The following RNF150 variants were observed in gnomAD, a reference collection of about 807,000 sequenced individuals.
The protein encoded by RNF150 is ring finger protein 150.
In RNF150, 24 loss-of-function variants were observed where a neutral mutation model predicts 39.3. The observed-to-expected ratio is 0.61, with a 90% CI of 0.44 to 0.86. The LOEUF (loss-of-function observed/expected upper bound fraction) is 0.86. Among genes scored for constraint, RNF150 ranks in the 40% least tolerant of loss-of-function variants. The pLI is 0.00. For synonymous variants in RNF150, 255 were observed against 227.3 expected (o/e 1.12, Z -1.10); for missense variants, 502 against 587.8 (o/e 0.85, Z 1.51).
At chr4:140,908,328 CAG>C (rs1463147875) in intron 6 of RNF150, among the ~76,000 whole-genome samples, 1 of 152,076 alleles carries the variant, frequency 6.6e-6, no homozygotes, top group Non-Finnish European at 1.5e-5. Flanking sequence ...AACAAATAAC[CAG>C]AGTGTTCATG....
rs1315608960 is a variant in RNF150 at position 140,861,846 on chromosome 4, A to C, written c.*6415T>G. 2.0e-5 allele frequency: 3 copies of C among 152,230 alleles called. No homozygotes were observed. Among genetic ancestry groups the C allele is most frequent in the Non-Finnish European group, 2.9e-5 (2 of 68,038 alleles). The allele number at this position is 152,230 out of a possible 1,614,324, so 9.4% of individuals were successfully genotyped here. On this transcript the variant is annotated 3_prime_UTR_variant, in exon 7 of 7. Coordinates refer to ENST00000515673, the MANE Select transcript of RNF150 (RefSeq NM_020724.2). ...GTTTTGAAGGAAAAGGGGACTAAAC[A>C]CTAGACTTTAAAGATGGTGTGGTAC...
intron 1 of RNF150, among the ~76,000 whole-genome samples, chr4:141,088,001 A>C (rs34189599): frequency 6.6e-6 from 1 of 151,956 alleles, no homozygotes; most frequent in South Asian, 2.1e-4. Context: ...TGGAAGGAAG[A>C]TGAGCTCTGA....
At chr4:141,126,948 T>C (rs17006908) in intron 1 of RNF150, among the ~76,000 whole-genome samples, 10,902 of 152,134 alleles carry the variant, frequency 0.072, 397 homozygotes, top group East Asian at 0.12. Flanking sequence ...CATTACGTAA[T>C]AGAGATGCAT....
chr4:140,912,703 G>GTT (rs1427426919), intron 5 of RNF150, among the ~76,000 whole-genome samples: 3 of 152,094 alleles, frequency 2.0e-5, no homozygotes, highest in Non-Finnish European at 2.9e-5. Flanking sequence ...ATCAAATTCA[G>GTT]TTTATTCATT....
intron 2 of RNF150, among the ~76,000 whole-genome samples, chr4:140,963,963 A>G (rs1733140074): frequency 6.6e-6 from 1 of 152,074 alleles, no homozygotes; most frequent in Non-Finnish European, 1.5e-5. Flanking sequence ...AAATGAAGAA[A>G]TGATAAAAAC....
At chr4:140,988,086 A>T (rs1734071009) in intron 1 of RNF150, among the ~76,000 whole-genome samples, 1 of 152,204 alleles carries the variant, frequency 6.6e-6, no homozygotes. Context: ...GGCTGTGATT[A>T]AAAAGTCAAA....
chr4:141,133,501 G>A (rs1015130966), upstream of RNF150: 1 of 152,728 alleles, frequency 6.5e-6, no homozygotes, highest in African/African-American at 2.4e-5. Flanking sequence ...TGTGTATAAT[G>A]TGTGCGTGCA....
rs548786426 is a variant in RNF150 at position 141,141,725 on chromosome 4, C to T, written c.-6+71069G>A. On this transcript the variant is annotated intron_variant, in intron 1 of 7. Coordinates refer to the RNF150 transcript ENST00000420921. ...CTGAGGCACCAGAATTGCTTGAACC[C>T]GGGAGGTGGAGGTTACAGGGAGGCA... Among the ~76,000 whole-genome samples, 51 of 152,144 alleles carry T rather than the reference C, an allele frequency of 3.4e-4. 1 individual carries two copies. In the South Asian group the frequency reaches 9.6e-3, roughly 29 times the overall value.
intron 1 of RNF150, among the ~76,000 whole-genome samples, chr4:140,971,429 G>A (rs184795030): frequency 6.6e-6 from 1 of 152,128 alleles, no homozygotes; most frequent in Non-Finnish European, 1.5e-5. Flanking sequence ...CCCACAAGGA[G>A]GTCCGGCTAT....
intron 1 of RNF150, among the ~76,000 whole-genome samples, chr4:141,006,402 T>C (rs939047265): frequency 2.0e-5 from 3 of 152,178 alleles, no homozygotes; most frequent in Non-Finnish European, 2.9e-5. Context: ...CTCTTCCTTC[T>C]GTGTGACAGC....
At position 141,087,860 on chromosome 4, in the gene RNF150, G is replaced by A. The variant is rs553870088; in HGVS notation, c.484+44465C>T. Reference sequence around the variant, plus strand: ...TTTTTTTATTAACAGGAAAAAGTACGTGCTTACAGGATCAATTCTGAATTC... The same window carrying A: ...TTTTTTTATTAACAGGAAAAAGTACATGCTTACAGGATCAATTCTGAATTC... On this transcript the variant is annotated intron_variant, in intron 1 of 6. Transcript: ENST00000515673. Among the ~76,000 whole-genome samples, 9 of 151,928 alleles carry A rather than the reference G, an allele frequency of 5.9e-5. No individual in the cohort carries two copies. The South Asian group carries it at 6.2e-4, about 11-fold the overall frequency.
At chr4:141,101,885 G>A (rs367591619) in intron 1 of RNF150, among the ~76,000 whole-genome samples, 5 of 152,066 alleles carry the variant, frequency 3.3e-5, no homozygotes, top group African/African-American at 9.7e-5. Flanking sequence ...AGGTTCAAGC[G>A]ATTCTCCTGC....
intron 6 of RNF150, among the ~76,000 whole-genome samples, chr4:140,869,473 C>T (rs1407903345): frequency 1.3e-5 from 2 of 152,028 alleles, no homozygotes; most frequent in Non-Finnish European, 2.9e-5. Flanking sequence ...CATTATCTAC[C>T]GTGTCCCTAC....
At chr4:141,043,733 A>C (rs1736457477) in intron 1 of RNF150, among the ~76,000 whole-genome samples, 1 of 152,156 alleles carries the variant, frequency 6.6e-6, no homozygotes, top group Admixed American at 6.6e-5. Flanking sequence ...TTCTGAATAC[A>C]AGGTATTTGT....
chr4:141,052,201 C>A (rs569586106), intron 1 of RNF150, among the ~76,000 whole-genome samples: 1 of 151,968 alleles, frequency 6.6e-6, no homozygotes, highest in Non-Finnish European at 1.5e-5. Context: ...CAATTCAAGA[C>A]GAGATTTGGG....
chr4:141,039,507 C>T (rs759945559), intron 1 of RNF150, among the ~76,000 whole-genome samples: 2 of 152,132 alleles, frequency 1.3e-5, no homozygotes, highest in Non-Finnish European at 2.9e-5. Flanking sequence ...AAAGGCCATA[C>T]ATTTAGGAAC....
chr4:141,056,294 C>A (rs954016675), intron 1 of RNF150, among the ~76,000 whole-genome samples: 1 of 152,082 alleles, frequency 6.6e-6, no homozygotes. Flanking sequence ...CTAGCCCTTT[C>A]GGAGGCTGAG....
At chr4:140,953,877 T>A (rs1337438909) in intron 2 of RNF150, among the ~76,000 whole-genome samples, 1 of 152,200 alleles carries the variant, frequency 6.6e-6, no homozygotes, top group Non-Finnish European at 1.5e-5. Flanking sequence ...GTTGCTTTTG[T>A]AATTGATCTC....
At chr4:141,120,068 A>G (rs1726561299) in intron 1 of RNF150, among the ~76,000 whole-genome samples, 4 of 152,224 alleles carry the variant, frequency 2.6e-5, no homozygotes, top group Admixed American at 2.6e-4. Context: ...TAGCTATGCA[A>G]TGGATGCCTT....
Sources: allele counts gnomAD v4.1 joint callset (sites outside exome capture counted in the v4.1 genomes callset), GRCh38; gene constraint gnomAD v4.1.1; transcripts MANE v1.5; gene names NCBI Gene and HGNC (gene_info 2026-07-23, HGNC 2026-07-21).